Variants in RHBDL3 observed in about 807,000 individuals in gnomAD.
RHBDL3 encodes the protein rhomboid like 3.
RHBDL3 carries 28 observed loss-of-function variants against 48.2 expected under a neutral mutation model. The observed-to-expected ratio is 0.58, with a 90% CI of 0.43 to 0.80. RHBDL3 has a LOEUF of 0.80. Ranked by LOEUF, RHBDL3 falls within the 30% of genes least tolerant of loss-of-function variation. The probability of loss-of-function intolerance (pLI) is 0.00; values close to 1 mark genes in which losing one functional copy is unlikely to be tolerated. For missense variants in RHBDL3, 464 were observed against 542.7 expected (o/e 0.85, Z 1.44); for synonymous variants, 208 against 232.3 (o/e 0.90, Z 0.95).
intron 8 of RHBDL3, among the ~76,000 whole-genome samples, chr17:32,318,735 G>C (rs2041034524): frequency 6.6e-6 from 1 of 152,154 alleles, no homozygotes; most frequent in Non-Finnish European, 1.5e-5. Context: ...TCAGCTACCT[G>C]CTGTGTAGGT....
chr17:32,286,243 C>T (rs2040196208), intron 3 of RHBDL3, among the ~76,000 whole-genome samples: 1 of 152,204 alleles, frequency 6.6e-6, no homozygotes, highest in Non-Finnish European at 1.5e-5. Flanking sequence ...GCACGTGGGG[C>T]CCAGGAGTGG....
chr17:32,307,257 C>G (rs1007025758), intron 7 of RHBDL3, among the ~76,000 whole-genome samples: 3 of 152,122 alleles, frequency 2.0e-5, no homozygotes, highest in Non-Finnish European at 4.4e-5. Context: ...GTAGATGGTG[C>G]CCACTAGATT....
chr17:32,305,283 T>G (rs1299777838), intron 6 of RHBDL3, 58 bp from the exon 7 acceptor site: 10 of 1,150,382 alleles, frequency 8.7e-6, no homozygotes, highest in Non-Finnish European at 1.3e-5. Context: ...GGCCTGGGGC[T>G]GGGTTGGGTG....
intron 7 of RHBDL3, among the ~76,000 whole-genome samples, chr17:32,313,475 A>G (rs1217189103): frequency 2.0e-5 from 3 of 152,342 alleles, no homozygotes; most frequent in South Asian, 4.1e-4. Context: ...AAGTACATTC[A>G]TACATTCACA....
intron 7 of RHBDL3, among the ~76,000 whole-genome samples, chr17:32,311,703 A>G (rs1018765058): frequency 6.6e-6 from 1 of 152,188 alleles, no homozygotes; most frequent in African/African-American, 2.4e-5. Flanking sequence ...TGCTGTGGCA[A>G]AACTGGAGTC....
rs769334419 is a variant in RHBDL3, at chr17:32,284,683, A to C, written c.160A>C (p.Ile54Leu). 1 of 1,614,184 alleles carries C rather than the reference A, an allele frequency of 6.2e-7. No homozygotes were observed. The highest frequency in any genetic ancestry group is 8.5e-7 in the Non-Finnish European group (1 of 1,180,012). Residue 54 changes from isoleucine to leucine, a missense_variant, in exon 3 of 9, where the codon ATT becomes CTT. By Grantham distance (5) the Ile-to-Leu change is conservative. Transcript: ENST00000269051. ...DQFDPGNTGYISTGKFRSLLE... is the reference protein window; with the variant it reads ...DQFDPGNTGYLSTGKFRSLLE... ...GTTTGACCCTGGGAACACAGGCTAC[A>C]TTAGCACAGGCAAGTTCCGGAGTCT... is the stretch of plus-strand genomic sequence containing the variant.
chr17:32,271,627 C>T, intron 2 of RHBDL3, among the ~76,000 whole-genome samples: 1 of 152,188 alleles, frequency 6.6e-6, no homozygotes, highest in East Asian at 1.9e-4. Context: ...CAGGTTTACC[C>T]TTAAAAATGC....
intron 7 of RHBDL3, among the ~76,000 whole-genome samples, chr17:32,315,304 G>A (rs1054698022): frequency 1.1e-4 from 16 of 152,212 alleles, no homozygotes; most frequent in Non-Finnish European, 1.5e-4. Flanking sequence ...GGAAGATTCC[G>A]GGCTTATTTC....
At chr17:32,270,975 C>G (rs1003587247) in intron 2 of RHBDL3, among the ~76,000 whole-genome samples, 1 of 152,124 alleles carries the variant, frequency 6.6e-6, no homozygotes, top group Non-Finnish European at 1.5e-5. Flanking sequence ...GTGGGCAGAT[C>G]GCTTGAGCCC....
At chr17:32,310,883 CAAAAAAAAAAA>C (rs11348841) in intron 7 of RHBDL3, among the ~76,000 whole-genome samples, 1 of 55,554 alleles carries the variant, frequency 1.8e-5, no homozygotes, top group African/African-American at 6.3e-5. Flanking sequence ...GGCTCCATCT[CAAAAAAAAAAA>C]AAAAAAAAAG....
chr17:32,298,810 T>C (rs534526659), intron 6 of RHBDL3, among the ~76,000 whole-genome samples: 15 of 152,208 alleles, frequency 9.9e-5, no homozygotes, highest in Non-Finnish European at 1.5e-4. Context: ...CCTGGCTCCA[T>C]CTGAAGGCAT....
At chr17:32,268,813 G>T (rs1363939581) in intron 2 of RHBDL3, among the ~76,000 whole-genome samples, 1 of 152,100 alleles carries the variant, frequency 6.6e-6, no homozygotes, top group East Asian at 1.9e-4. Flanking sequence ...TTTTAGCAGG[G>T]TTGTTATGTG....
chr17:32,272,809 G>A (rs1261021034), intron 2 of RHBDL3, among the ~76,000 whole-genome samples: 2 of 152,330 alleles, frequency 1.3e-5, no homozygotes, highest in Middle Eastern at 3.4e-3. Flanking sequence ...TTGAGCGAAC[G>A]ACAGGTCGAA....
intron 8 of RHBDL3, among the ~76,000 whole-genome samples, chr17:32,320,104 CA>C (rs879854098): frequency 1.2e-4 from 17 of 147,212 alleles, no homozygotes; most frequent in East Asian, 4.0e-4. Context: ...CTCATCTCTA[CA>C]AAAAAAAAAA....
At position 32,304,718 on chromosome 17, in the gene RHBDL3, A is replaced by G. The variant is rs1483185618; in HGVS notation, c.782-623A>G. ...CATGTCAGGCAGACATTGGATTGAG[A>G]GGCAGATAATCCAGGTAGAAGTCTG... On this transcript the variant is annotated intron_variant, in intron 6 of 8. Coordinates refer to ENST00000269051, the MANE Select transcript of RHBDL3 (RefSeq NM_138328.3). Among the ~76,000 whole-genome samples the G allele has an allele frequency of 3.9e-5, 6 of 152,198 alleles. No homozygotes were observed. In the East Asian group the frequency reaches 7.7e-4, roughly 20 times the overall value.
chr17:32,267,562 A>T (rs546826358), intron 1 of RHBDL3: 1 of 160,636 alleles, frequency 6.2e-6, no homozygotes, highest in African/African-American at 2.4e-5. Context: ...AGCAGAAATT[A>T]TTAGAGGCGC....
At chr17:32,274,873 CAT>C (rs771344426) in intron 2 of RHBDL3, among the ~76,000 whole-genome samples, 26 of 151,956 alleles carry the variant, frequency 1.7e-4, no homozygotes, top group Non-Finnish European at 2.9e-4. Context: ...CAAGAGTGTG[CAT>C]GTGTGTGTGT....
At chr17:32,319,558 C>A (rs2041064014) in intron 8 of RHBDL3, among the ~76,000 whole-genome samples, 1 of 152,098 alleles carries the variant, frequency 6.6e-6, no homozygotes, top group Non-Finnish European at 1.5e-5. Flanking sequence ...GAAGGCTGTC[C>A]CAGGGCAGGA....
intron 8 of RHBDL3, among the ~76,000 whole-genome samples, chr17:32,320,317 G>A (rs1338376918): frequency 6.6e-6 from 1 of 151,976 alleles, no homozygotes; most frequent in Non-Finnish European, 1.5e-5. Context: ...AGTTTGTTGG[G>A]GTCAGGGTTT....
Sources: allele counts gnomAD v4.1 joint callset (sites outside exome capture counted in the v4.1 genomes callset), GRCh38; gene constraint gnomAD v4.1.1; transcripts MANE v1.5; gene names NCBI Gene and HGNC (gene_info 2026-07-23, HGNC 2026-07-21).